The following ZBTB7C variants were observed in gnomAD, a reference collection of about 807,000 sequenced individuals.
ZBTB7C encodes the protein zinc finger and BTB domain-containing protein 7C.
A neutral mutation model predicts 25.7 loss-of-function variants in ZBTB7C; 8 were observed. That is an observed-to-expected ratio of 0.31 (90% confidence interval 0.18 to 0.56). The LOEUF is 0.56. Among genes scored for constraint, ZBTB7C ranks in the 20% least tolerant of loss-of-function variants. ZBTB7C has a pLI of 0.91. For missense variants in ZBTB7C, 824 were observed against 855.2 expected, an observed-to-expected ratio of 0.96 and a Z score of 0.46; for synonymous variants, 394 against 369.0, an observed-to-expected ratio of 1.07 and a Z score of -0.78.
chr18:48,279,771 C>T (rs536878026), intron 2 of ZBTB7C, among the ~76,000 whole-genome samples: 3 of 152,342 alleles, frequency 2.0e-5, no homozygotes, highest in South Asian at 2.1e-4. Context: ...ATCAGCCCCA[C>T]ATTCACAGAA....
intron 2 of ZBTB7C, among the ~76,000 whole-genome samples, chr18:48,296,774 G>A (rs908987936): frequency 5.3e-5 from 8 of 151,568 alleles, no homozygotes; most frequent in African/African-American, 9.7e-5. Flanking sequence ...GGTGAGCGGC[G>A]GGTGGAGCCA....
chr18:48,375,455 G>C (rs1214708525), intron 1 of ZBTB7C: 1 of 152,288 alleles, frequency 6.6e-6, no homozygotes, highest in Non-Finnish European at 1.5e-5. Flanking sequence ...CTGGGAAGCT[G>C]GTGGGTGGAA....
At chr18:48,400,049 C>G (rs2048122699) in intron 1 of ZBTB7C, among the ~76,000 whole-genome samples, 1 of 152,216 alleles carries the variant, frequency 6.6e-6, no homozygotes, top group East Asian at 1.9e-4. Context: ...ACCCACCAAC[C>G]AGAGGAAGCT....
At chr18:48,149,366 C>A (rs922366258) in intron 3 of ZBTB7C, 1 of 152,218 alleles carries the variant, frequency 6.6e-6, no homozygotes, top group Non-Finnish European at 1.5e-5. Context: ...TGACACCCTC[C>A]GGGAAAGCAT....
Position 48,029,697 on chromosome 18 carries a change from C to G in ZBTB7C, c.1423G>C (p.Ala475Pro). 1 of 1,599,484 alleles carries G rather than the reference C, an allele frequency of 6.3e-7. No homozygotes were observed. ...GGCTTGCGGCCGCGTCGGGGCCGTG[C>G]CATGCGGCAGCTCTGGCGCTTGATG... ...RHIKRQSCRM[A>P]RPRRGRKPAA... The change falls in exon 5 of 5, where the codon GCA becomes CCA. Residue 475 changes from alanine (A) to proline (P), a missense_variant. Physicochemically the swap from Ala to Pro is conservative, Grantham distance 27. This residue lies in a region of ZBTB7C where 342 missense variants were observed against 307.0 expected (regional missense o/e 1.11). Coordinates refer to ENST00000590800, the MANE Select transcript of ZBTB7C (RefSeq NM_001318841.2).
intron 2 of ZBTB7C, among the ~76,000 whole-genome samples, chr18:48,330,595 A>G (rs562514128): frequency 1.3e-5 from 2 of 151,966 alleles, no homozygotes; most frequent in African/African-American, 2.4e-5. Context: ...ACATTTCCAC[A>G]TGAAGGCTTG....
intron 1 of ZBTB7C, among the ~76,000 whole-genome samples, chr18:48,341,218 A>G (rs575354311): frequency 6.6e-6 from 1 of 152,340 alleles, no homozygotes; most frequent in South Asian, 2.1e-4. Flanking sequence ...ATATCTGTTC[A>G]GCCTTCTTGA....
chr18:48,349,408 A>G (rs2145029056), intron 1 of ZBTB7C, among the ~76,000 whole-genome samples: 1 of 152,256 alleles, frequency 6.6e-6, no homozygotes, highest in Non-Finnish European at 1.5e-5. Context: ...CAAACTATAG[A>G]GGCTGCATAT....
intron 2 of ZBTB7C, among the ~76,000 whole-genome samples, chr18:48,191,551 C>G (rs1033004219): frequency 6.6e-6 from 1 of 152,254 alleles, no homozygotes; most frequent in African/African-American, 2.4e-5. Context: ...GTGGAGGACA[C>G]TGAGCCACTA....
chr18:48,307,171 C>G (rs1246629257), intron 2 of ZBTB7C, among the ~76,000 whole-genome samples: 1 of 152,176 alleles, frequency 6.6e-6, no homozygotes. Flanking sequence ...GGGGCAGATT[C>G]CAGGACCTCC....
At chr18:48,400,978 A>G (rs1011092940) in intron 1 of ZBTB7C, among the ~76,000 whole-genome samples, 3 of 152,172 alleles carry the variant, frequency 2.0e-5, no homozygotes, top group Admixed American at 6.5e-5. Flanking sequence ...CTAATTGAGT[A>G]AGGAGTGTGC....
chr18:48,084,611 C>G (rs1312008666), intron 3 of ZBTB7C, among the ~76,000 whole-genome samples: 1 of 152,188 alleles, frequency 6.6e-6, no homozygotes, highest in African/African-American at 2.4e-5. Context: ...CGCCCTATCA[C>G]CCCTACCCTG....
At chr18:48,049,192 A>C (rs768759691) in intron 3 of ZBTB7C, among the ~76,000 whole-genome samples, 3 of 152,224 alleles carry the variant, frequency 2.0e-5, no homozygotes, top group Non-Finnish European at 4.4e-5. Flanking sequence ...AACTAGGTGC[A>C]AGCCTGCCTG....
At chr18:48,049,033 A>T (rs745721183) in intron 3 of ZBTB7C, among the ~76,000 whole-genome samples, 31 of 152,170 alleles carry the variant, frequency 2.0e-4, no homozygotes, top group Non-Finnish European at 4.1e-4. Context: ...GTGTTCCATT[A>T]TTGGAACACT....
chr18:48,140,498 T>C (rs1043654429), intron 3 of ZBTB7C, among the ~76,000 whole-genome samples: 5 of 152,028 alleles, frequency 3.3e-5, no homozygotes, highest in African/African-American at 1.2e-4. Flanking sequence ...TTTGTGACTC[T>C]GGTGACTCAA....
rs12956303 is a variant in ZBTB7C at position 48,029,315 on chromosome 18, A to G, written c.1805T>C (p.Leu602Pro). The change falls in exon 5 of 5, where the codon CTC becomes CCC. Residue 602 changes from leucine (L) to proline (P), a missense_variant. By Grantham distance (98) the Leu-to-Pro change is moderately conservative. Transcript: ENST00000590800. ...GTGGTTGAGGCCGGCGAGCCCAGGG[A>G]GGCCGGCCAGGCCGGCGGCCCAAGG... ...PDPWAAGLAG[L>P]PGLAGLNHVA... The G allele has an allele frequency of 1.3e-6, 2 of 1,536,020 alleles. No individual in the cohort carries two copies. Among genetic ancestry groups the G allele is most frequent in the African/African-American group, 2.7e-5 (2 of 72,764 alleles).
intron 3 of ZBTB7C, among the ~76,000 whole-genome samples, chr18:48,057,664 T>C (rs4245247): frequency 0.26 from 39,132 of 152,158 alleles, 5,344 homozygotes; most frequent in Admixed American, 0.33. Flanking sequence ...CTGAATGATC[T>C]ATATTTTCGT....
chr18:48,091,256 T>C (rs2038404734), intron 3 of ZBTB7C, among the ~76,000 whole-genome samples: 2 of 144,798 alleles, frequency 1.4e-5, no homozygotes, highest in Admixed American at 6.9e-5. Context: ...TTTTTTTTTT[T>C]TTTTTTTGGA....
intron 3 of ZBTB7C, chr18:48,137,346 A>C: frequency 2.0e-6 from 2 of 984,684 alleles, no homozygotes; most frequent in Non-Finnish European, 2.4e-6. Context: ...AATAAAGGCA[A>C]GGGCGGTGGA....
Sources: allele counts gnomAD v4.1 joint callset (sites outside exome capture counted in the v4.1 genomes callset), GRCh38; gene constraint gnomAD v4.1.1; regional missense constraint gnomAD v4.1.1; transcripts MANE v1.5; gene names NCBI Gene and HGNC (gene_info 2026-07-23, HGNC 2026-07-21).